Variants in STXBP5L observed in about 807,000 individuals in gnomAD.
The protein encoded by STXBP5L is syntaxin binding protein 5L, also known as syntaxin-binding protein 5-like.
In STXBP5L, 65 loss-of-function variants were observed where a neutral mutation model predicts 144.5. The observed-to-expected ratio is 0.45, with a 90% CI of 0.37 to 0.55. STXBP5L has a LOEUF of 0.55. STXBP5L is among the 20% of genes least tolerant of loss of function. The probability of loss-of-function intolerance (pLI) is 0.00; values close to 1 mark genes in which losing one functional copy is unlikely to be tolerated. For synonymous variants in STXBP5L, 505 were observed against 469.6 expected (o/e 1.08, Z -0.97); for missense variants, 1,298 against 1,405.5 (o/e 0.92, Z 1.22).
At chr3:121,373,664 C>T (rs980254899) in intron 20 of STXBP5L, among the ~76,000 whole-genome samples, 8 of 152,162 alleles carry the variant, frequency 5.3e-5, no homozygotes, top group Non-Finnish European at 1.2e-4. Flanking sequence ...TGTATACTCA[C>T]ATGCCCCACC....
In STXBP5L at chr3:121,029,835, GA is replaced by G. The variant is rs553181828; in HGVS notation, c.288-11855del. On this transcript the variant is annotated intron_variant, in intron 3 of 26. Transcript: ENST00000471454. ...ACAAGGAACTTAAACAAATTTACAA[GA>G]AAAAAAAAACCCCATGAAAAAGTGG... is the stretch of plus-strand genomic sequence containing the variant. 2.3e-3 allele frequency among the ~76,000 whole-genome samples: 330 copies of G among 143,184 alleles called. 1 individual carries two copies. Among genetic ancestry groups the G allele is most frequent in the East Asian group, 0.02 (98 of 4,922 alleles). 93.9% of individuals were successfully genotyped at this position (143,184 alleles called of 152,430 possible).
chr3:121,307,557 A>T (rs1202956028), intron 19 of STXBP5L, among the ~76,000 whole-genome samples: 2 of 152,310 alleles, frequency 1.3e-5, no homozygotes, highest in East Asian at 3.9e-4. Context: ...GGGACTCAAC[A>T]GTAGATTTGA....
chr3:121,121,752 G>GA, intron 7 of STXBP5L, 48 bp downstream of exon 7: 1 of 1,378,000 alleles, frequency 7.3e-7, no homozygotes. Context: ...CCTCATTCTT[G>GA]AAAAAAGGTG....
intron 18 of STXBP5L, among the ~76,000 whole-genome samples, chr3:121,275,287 G>A (rs2050846445): frequency 6.6e-6 from 1 of 152,198 alleles, no homozygotes; most frequent in Middle Eastern, 3.4e-3. Flanking sequence ...TAAAAAAGAA[G>A]TCTGCTGGGA....
intron 18 of STXBP5L, 59 bp downstream of exon 18, chr3:121,259,227 G>A: frequency 1.5e-6 from 2 of 1,327,020 alleles, no homozygotes; most frequent in Non-Finnish European, 2.0e-6. Flanking sequence ...TGATTTTTTA[G>A]ATGTTCCTTG....
rs551333753 is a variant in STXBP5L at position 121,175,141 on chromosome 3, G to C, written c.877+17514G>C. ...TTTAAACTATATGACATGTAACAAG[G>C]AAAAATAACAATAGATACAACTGGA... On this transcript the variant is annotated intron_variant, in intron 9 of 26. Coordinates refer to ENST00000471454, the MANE Select transcript of STXBP5L (RefSeq NM_001308330.2). 2.0e-5 allele frequency among the ~76,000 whole-genome samples: 3 copies of C among 152,164 alleles called. No individual in the cohort carries two copies. In the East Asian group the frequency reaches 5.8e-4, roughly 29 times the overall value.
chr3:121,341,932 C>G (rs1457861139), intron 20 of STXBP5L, among the ~76,000 whole-genome samples: 1 of 151,892 alleles, frequency 6.6e-6, no homozygotes, highest in African/African-American at 2.4e-5. Flanking sequence ...TTTCCTAGCA[C>G]AACATGACTA....
chr3:121,150,981 A>T (rs1395471179), intron 7 of STXBP5L, among the ~76,000 whole-genome samples: 1 of 152,054 alleles, frequency 6.6e-6, no homozygotes. Context: ...CCAGCTATTC[A>T]GGAGGCTGAG....
intron 20 of STXBP5L, among the ~76,000 whole-genome samples, chr3:121,350,394 T>G (rs1463939610): frequency 2.0e-5 from 3 of 152,170 alleles, no homozygotes; most frequent in Admixed American, 6.5e-5. Context: ...CCTTAACATT[T>G]TTTCCTTCAT....
chr3:121,365,875 CTTAT>C (rs1328473362), intron 20 of STXBP5L, among the ~76,000 whole-genome samples: 3 of 151,152 alleles, frequency 2.0e-5, no homozygotes, highest in Non-Finnish European at 4.4e-5. Context: ...TGAGATTTTT[CTTAT>C]TTTTTATTAT....
At chr3:121,059,442 T>C (rs1396307264) in intron 5 of STXBP5L, among the ~76,000 whole-genome samples, 1 of 152,114 alleles carries the variant, frequency 6.6e-6, no homozygotes, top group Non-Finnish European at 1.5e-5. Flanking sequence ...CTTAGGATTG[T>C]CGTGGCTATG....
chr3:121,189,583 C>G (rs2108152809), intron 9 of STXBP5L, among the ~76,000 whole-genome samples: 1 of 152,256 alleles, frequency 6.6e-6, no homozygotes, highest in Admixed American at 6.5e-5. Flanking sequence ...TGGTCTATAT[C>G]TCTGTTTTGG....
intron 5 of STXBP5L, among the ~76,000 whole-genome samples, chr3:121,075,620 G>T (rs532754705): frequency 2.0e-5 from 3 of 152,202 alleles, no homozygotes; most frequent in South Asian, 4.1e-4. Flanking sequence ...GTCAAATGGC[G>T]TGTAAAGCCA....
At chr3:121,109,022 A>C (rs2043849935) in intron 5 of STXBP5L, among the ~76,000 whole-genome samples, 1 of 152,210 alleles carries the variant, frequency 6.6e-6, no homozygotes, top group Non-Finnish European at 1.5e-5. Flanking sequence ...AAATTAGTGC[A>C]AATAAACTAA....
chr3:121,039,399 ATTG>A (rs1456820188), intron 3 of STXBP5L, among the ~76,000 whole-genome samples: 1 of 151,642 alleles, frequency 6.6e-6, no homozygotes, highest in Non-Finnish European at 1.5e-5. Context: ...CCTTTGTGTT[ATTG>A]TTAATATCAT....
At chr3:121,192,311 G>A (rs2047728629) in intron 9 of STXBP5L, among the ~76,000 whole-genome samples, 1 of 152,054 alleles carries the variant, frequency 6.6e-6, no homozygotes, top group African/African-American at 2.4e-5. Flanking sequence ...ACTGCTCTAG[G>A]AAATAAAAGG....
intron 5 of STXBP5L, among the ~76,000 whole-genome samples, chr3:121,050,747 A>G (rs1353249328): frequency 6.6e-6 from 1 of 152,226 alleles, no homozygotes; most frequent in Admixed American, 6.5e-5. Flanking sequence ...TTAACTTTCA[A>G]TATAAATGGA....
chr3:121,380,237 CAT>C (rs1181910797), intron 21 of STXBP5L, among the ~76,000 whole-genome samples: 2 of 152,132 alleles, frequency 1.3e-5, no homozygotes, highest in Non-Finnish European at 2.9e-5. Context: ...ATCTGTAAAA[CAT>C]ATAACCTCCA....
At chr3:121,223,580 T>C (rs1053210067) in intron 11 of STXBP5L, among the ~76,000 whole-genome samples, 1 of 152,188 alleles carries the variant, frequency 6.6e-6, no homozygotes, top group Non-Finnish European at 1.5e-5. Flanking sequence ...CTGTTTCACA[T>C]CTGGCTTTGC....
Sources: allele counts gnomAD v4.1 joint callset (sites outside exome capture counted in the v4.1 genomes callset), GRCh38; gene constraint gnomAD v4.1.1; transcripts MANE v1.5; gene names NCBI Gene and HGNC (gene_info 2026-07-23, HGNC 2026-07-21).